The following AUTS2 variants were observed in gnomAD, a reference collection of about 807,000 sequenced individuals.
AUTS2 encodes the protein autism susceptibility gene 2 protein.
Under a neutral mutation model 112.4 loss-of-function variants are expected in AUTS2, and 17 were observed. The observed-to-expected ratio is 0.15, with a 90% confidence interval of 0.10 to 0.23. AUTS2 has a LOEUF of 0.23. Among genes scored for constraint, AUTS2 ranks in the 10% least tolerant of loss-of-function variants. The probability of loss-of-function intolerance (pLI) is 1.00; values close to 1 mark genes in which losing one functional copy is unlikely to be tolerated. For missense variants in AUTS2, 1,510 were observed against 1,701.6 expected (o/e 0.89, Z 1.98); for synonymous variants, 751 against 702.7 (o/e 1.07, Z -1.09).
At chr7:69,822,194 A>G (rs927194636) in intron 1 of AUTS2, among the ~76,000 whole-genome samples, 1 of 152,180 alleles carries the variant, frequency 6.6e-6, no homozygotes, top group African/African-American at 2.4e-5. Context: ...GAGGGAAGAA[A>G]TATTTACAAT....
chr7:70,743,759 C>A (rs1388920187), intron 6 of AUTS2, among the ~76,000 whole-genome samples: 1 of 152,162 alleles, frequency 6.6e-6, no homozygotes, highest in Admixed American at 6.5e-5. Context: ...TTGTTTACAT[C>A]TGCTTCCTCC....
intron 4 of AUTS2, among the ~76,000 whole-genome samples, chr7:70,432,087 T>C (rs73175934): frequency 0.096 from 14,600 of 152,318 alleles, 801 homozygotes; most frequent in Middle Eastern, 0.19. Context: ...TTTTTAGCTT[T>C]TCACAGCGGG....
chr7:70,074,102 A>C (rs1562665187), intron 2 of AUTS2, among the ~76,000 whole-genome samples: 2 of 152,212 alleles, frequency 1.3e-5, no homozygotes, highest in African/African-American at 2.4e-5. Context: ...AATTTTGTTG[A>C]CATGATCAAC....
intron 2 of AUTS2, among the ~76,000 whole-genome samples, chr7:69,936,571 G>A (rs765980322): frequency 6.6e-6 from 1 of 152,082 alleles, no homozygotes; most frequent in Non-Finnish European, 1.5e-5. Flanking sequence ...GGATGGTCTC[G>A]ATCTCCTGAC....
intron 2 of AUTS2, among the ~76,000 whole-genome samples, chr7:70,050,471 T>G (rs1471072464): frequency 2.7e-5 from 4 of 150,280 alleles, no homozygotes; most frequent in African/African-American, 9.8e-5. Flanking sequence ...ATGGAGTGGG[T>G]GGTGACGTGA....
intron 4 of AUTS2, among the ~76,000 whole-genome samples, chr7:70,188,130 C>G (rs949872943): frequency 6.6e-6 from 1 of 152,114 alleles, no homozygotes; most frequent in African/African-American, 2.4e-5. Flanking sequence ...TTATTGAGTG[C>G]CTTTGATGTG....
At chr7:70,077,013 G>C (rs1936305276) in intron 2 of AUTS2, among the ~76,000 whole-genome samples, 1 of 152,150 alleles carries the variant, frequency 6.6e-6, no homozygotes, top group African/African-American at 2.4e-5. Flanking sequence ...ATTATTTAAA[G>C]GGCTGTCATG....
intron 1 of AUTS2, among the ~76,000 whole-genome samples, chr7:69,675,003 G>A (rs1796493823): frequency 6.6e-6 from 1 of 152,172 alleles, no homozygotes; most frequent in Non-Finnish European, 1.5e-5. Context: ...CTTTAACCCT[G>A]TGACTGACAG....
chr7:70,509,941 A>G (rs556478181), intron 5 of AUTS2, among the ~76,000 whole-genome samples: 209 of 152,094 alleles, frequency 1.4e-3, no homozygotes, highest in African/African-American at 4.9e-3. Context: ...TTGAAACTGT[A>G]CCCCCTAAAG....
At chr7:69,953,056 A>C (rs1797084487) in intron 2 of AUTS2, among the ~76,000 whole-genome samples, 1 of 152,122 alleles carries the variant, frequency 6.6e-6, no homozygotes, top group South Asian at 2.1e-4. Flanking sequence ...TCCCTCCCCT[A>C]AATTAGTGGC....
At chr7:70,590,154 G>GTATA (rs538526470) in intron 5 of AUTS2, among the ~76,000 whole-genome samples, 6 of 103,374 alleles carry the variant, frequency 5.8e-5, no homozygotes, top group African/African-American at 2.6e-4. Flanking sequence ...GTGTGTGTAT[G>GTATA]TATGTATATA....
chr7:69,674,395 T>C (rs1237146042), intron 1 of AUTS2, among the ~76,000 whole-genome samples: 2 of 152,128 alleles, frequency 1.3e-5, no homozygotes, highest in African/African-American at 2.4e-5. Context: ...CTGGTCTGAC[T>C]CTTGAGCTGT....
chr7:70,668,891 G>A (rs1369253701), intron 5 of AUTS2, among the ~76,000 whole-genome samples: 2 of 152,198 alleles, frequency 1.3e-5, no homozygotes, highest in Non-Finnish European at 2.9e-5. Flanking sequence ...CCTGGGGAGG[G>A]TGGTGGTGGC....
intron 4 of AUTS2, among the ~76,000 whole-genome samples, chr7:70,362,857 A>G (rs974591829): frequency 6.6e-6 from 1 of 152,224 alleles, no homozygotes; most frequent in Admixed American, 6.5e-5. Context: ...ACCTGGAGAT[A>G]CGTAAGCTAC....
intron 2 of AUTS2, among the ~76,000 whole-genome samples, chr7:69,936,308 C>G (rs936027238): frequency 6.6e-6 from 1 of 152,112 alleles, no homozygotes; most frequent in African/African-American, 2.4e-5. Context: ...TTCTACTTGG[C>G]TTACACCATC....
At chr7:70,078,557 A>G (rs1436058960) in intron 2 of AUTS2, among the ~76,000 whole-genome samples, 1 of 152,162 alleles carries the variant, frequency 6.6e-6, no homozygotes, top group East Asian at 1.9e-4. Context: ...TGTACCTACC[A>G]TGCTCTACCT....
Position 69,599,595 on chromosome 7 carries a change from G to T in AUTS2, c.-59G>T. The stretch of plus-strand genomic sequence containing the variant: ...GAGGGCTCGGTGTCAATTTTTTTTT[G>T]TGTGGCTGCGGCCGTAGCCTGTGGC... On this transcript the variant is annotated 5_prime_UTR_variant, in exon 1 of 19. Coordinates refer to ENST00000342771, the MANE Select transcript of AUTS2 (RefSeq NM_015570.4). The surrounding 1 kb of genome is among the most constrained non-coding windows in gnomAD (Gnocchi z 7.0). 8.0e-7 allele frequency: 1 copy of T among 1,242,360 alleles called. No homozygotes were observed. 77.0% of individuals were successfully genotyped at this position (1,242,360 alleles called of 1,614,324 possible).
At chr7:69,719,175 A>G (rs1401631719) in intron 1 of AUTS2, among the ~76,000 whole-genome samples, 1 of 152,154 alleles carries the variant, frequency 6.6e-6, no homozygotes, top group Non-Finnish European at 1.5e-5. Context: ...TGTAGAACCT[A>G]TTGGTTCTTG....
chr7:70,684,544 T>TGTGGCGTGGC (rs111470904), intron 5 of AUTS2, among the ~76,000 whole-genome samples: 1,891 of 147,690 alleles, frequency 0.013, 34 homozygotes, highest in African/African-American at 0.046. Context: ...TGTGGTGTGG[T>TGTGGCGTGGC]GTGGCGTGGC....
Sources: allele counts gnomAD v4.1 joint callset (sites outside exome capture counted in the v4.1 genomes callset), GRCh38; gene constraint gnomAD v4.1.1; non-coding constraint Gnocchi (gnomAD v3.1); transcripts MANE v1.5; gene names NCBI Gene and HGNC (gene_info 2026-07-23, HGNC 2026-07-21).